PGCKA1: variants seen among roughly 807,000 people sequenced by gnomAD.
The protein encoded by PGCKA1 is PDCD10 and GCKIII kinases associated 1, also known as PDCD10 and GCKIII kinases-associated protein 1.
chr4:37,464,506 G>A, the PGCKA1 span, among the ~76,000 whole-genome samples: 1 of 152,156 alleles, frequency 6.6e-6, no homozygotes, highest in Admixed American at 6.5e-5. Flanking sequence ...AATAATCTGA[G>A]TCTCAGCCTC....
chr4:37,461,890 A>G, the PGCKA1 span, among the ~76,000 whole-genome samples: 3 of 152,058 alleles, frequency 2.0e-5, no homozygotes, highest in Admixed American at 2.0e-4. Flanking sequence ...AGCACCTTCC[A>G]TGGGACTCGA....
chr4:37,466,612 A>G, the PGCKA1 span, among the ~76,000 whole-genome samples: 1 of 152,216 alleles, frequency 6.6e-6, no homozygotes, highest in East Asian at 1.9e-4. Flanking sequence ...CTCCTCTTGA[A>G]TAAAGTAGAG....
At chr4:37,538,994 A>T in the PGCKA1 span, among the ~76,000 whole-genome samples, 8 of 152,174 alleles carry the variant, frequency 5.3e-5, no homozygotes, top group African/African-American at 1.9e-4. Flanking sequence ...TGCATGTCGC[A>T]ATGATAATCT....
At chr4:37,523,752 A>G in the PGCKA1 span, among the ~76,000 whole-genome samples, 50 of 152,336 alleles carry the variant, frequency 3.3e-4, no homozygotes, top group Admixed American at 1.0e-3. Context: ...TTAGACCACA[A>G]ATATTCATTT....
chr4:37,503,467 ATCTGCC>A, the PGCKA1 span, among the ~76,000 whole-genome samples: 1 of 152,078 alleles, frequency 6.6e-6, no homozygotes, highest in Admixed American at 6.5e-5. Context: ...CTACCCCACC[ATCTGCC>A]AGGGAATCCT....
the PGCKA1 span, among the ~76,000 whole-genome samples, chr4:37,515,786 A>T: frequency 6.6e-6 from 1 of 152,238 alleles, no homozygotes; most frequent in African/African-American, 2.4e-5. Context: ...ACTGAAATAG[A>T]TCAGAAAGAT....
chr4:37,488,228 T>C, the PGCKA1 span, among the ~76,000 whole-genome samples: 1 of 152,218 alleles, frequency 6.6e-6, no homozygotes, highest in Non-Finnish European at 1.5e-5. Context: ...CAAAATGTAT[T>C]TATTTTCCAT....
the PGCKA1 span, among the ~76,000 whole-genome samples, chr4:37,465,341 A>G: frequency 4.6e-5 from 7 of 152,094 alleles, no homozygotes; most frequent in Admixed American, 1.3e-4. Flanking sequence ...ACAAAGGTGA[A>G]CAAAATGGAC....
the PGCKA1 span, among the ~76,000 whole-genome samples, chr4:37,497,395 T>G: frequency 6.6e-6 from 1 of 152,202 alleles, no homozygotes; most frequent in Admixed American, 6.5e-5. Flanking sequence ...GCTATAAACA[T>G]GCGTGTGCAA....
the PGCKA1 span, among the ~76,000 whole-genome samples, chr4:37,571,122 G>A: frequency 3.7e-3 from 558 of 152,216 alleles, 2 homozygotes; most frequent in African/African-American, 0.013. Flanking sequence ...TTGCCTGTGG[G>A]GAGCTCATGT....
chr4:37,533,469 C>T, the PGCKA1 span, among the ~76,000 whole-genome samples: 957 of 152,254 alleles, frequency 6.3e-3, 9 homozygotes, highest in African/African-American at 0.022. Flanking sequence ...GGTTTTGGAT[C>T]GTTTCCACAA....
the PGCKA1 span, among the ~76,000 whole-genome samples, chr4:37,557,772 T>C: frequency 2.0e-5 from 3 of 152,190 alleles, no homozygotes; most frequent in Non-Finnish European, 2.9e-5. Context: ...CACTATAATA[T>C]TATTTTACAG....
At chr4:37,571,784 G>T in the PGCKA1 span, among the ~76,000 whole-genome samples, 2 of 151,830 alleles carry the variant, frequency 1.3e-5, no homozygotes, top group African/African-American at 2.4e-5. Flanking sequence ...TGATCTGCCC[G>T]CCTCAGCCTC....
At chr4:37,493,277 C>A in the PGCKA1 span, among the ~76,000 whole-genome samples, 1 of 152,124 alleles carries the variant, frequency 6.6e-6, no homozygotes, top group Non-Finnish European at 1.5e-5. Flanking sequence ...AGAGGTCCAA[C>A]AACATGTAAT....
the PGCKA1 span, among the ~76,000 whole-genome samples, chr4:37,462,135 T>A: frequency 6.6e-6 from 1 of 150,758 alleles, no homozygotes; most frequent in African/African-American, 2.5e-5. Context: ...TTCAAACATT[T>A]AAATTCCAAA....
chr4:37,457,228 T>G, the PGCKA1 span, among the ~76,000 whole-genome samples: 8 of 152,258 alleles, frequency 5.3e-5, no homozygotes, highest in Non-Finnish European at 1.2e-4. Context: ...TGATTTAGCT[T>G]AACTCCTTCT....
At chr4:37,574,033 C>T in the PGCKA1 span, among the ~76,000 whole-genome samples, 1 of 142,554 alleles carries the variant, frequency 7.0e-6, no homozygotes, top group Non-Finnish European at 1.5e-5. Context: ...ACTAAAAACA[C>T]AAAAATTTGC....
chr4:37,539,392 C>T, the PGCKA1 span, among the ~76,000 whole-genome samples: 1 of 152,152 alleles, frequency 6.6e-6, no homozygotes, highest in Non-Finnish European at 1.5e-5. Flanking sequence ...CGCGGTGGCT[C>T]ACACCTGTAA....
the PGCKA1 span, among the ~76,000 whole-genome samples, chr4:37,587,301 AC>A: frequency 6.6e-6 from 1 of 152,254 alleles, no homozygotes; most frequent in Non-Finnish European, 1.5e-5. Context: ...ATCTGCAAAT[AC>A]CTTTAATTTG....
Sources: allele counts gnomAD v4.1 joint callset (sites outside exome capture counted in the v4.1 genomes callset), GRCh38; gene constraint gnomAD v4.1.1; transcripts MANE v1.5; gene names NCBI Gene and HGNC (gene_info 2026-07-23, HGNC 2026-07-21).